The following C5orf24 variants were observed in gnomAD, a reference collection of about 807,000 sequenced individuals.
C5orf24 encodes the protein chromosome 5 open reading frame 24, also known as UPF0461 protein C5orf24.
Under a neutral mutation model 9.8 loss-of-function variants are expected in C5orf24, and 4 were observed. The ratio of observed to expected loss-of-function variants is 0.41; its 90% CI spans 0.20 to 0.93. C5orf24 has a LOEUF of 0.93. Among genes scored for constraint, C5orf24 ranks in the 40% least tolerant of loss-of-function variants. The pLI is 0.33. For missense variants in C5orf24, 170 were observed against 236.9 expected (o/e 0.72, Z 1.85); for synonymous variants, 73 against 81.3 (o/e 0.90, Z 0.55).
At chr5:134,851,242 A>G (rs974874043) in intron 1 of C5orf24, among the ~76,000 whole-genome samples, 1 of 152,044 alleles carries the variant, frequency 6.6e-6, no homozygotes, top group Non-Finnish European at 1.5e-5. Context: ...TGTCTTTACT[A>G]ATTCTGGCAT....
At chr5:134,844,266 C>G (rs1755941375), upstream of C5orf24, among the ~76,000 whole-genome samples, 1 of 152,140 alleles carries the variant, frequency 6.6e-6, no homozygotes, top group African/African-American at 2.4e-5. Flanking sequence ...AATCTGTGTA[C>G]ATATTTTAAC....
chr5:134,834,008 A>G, the C5orf24 span, among the ~76,000 whole-genome samples: 3,805 of 152,190 alleles, frequency 0.025, 171 homozygotes, highest in African/African-American at 0.086. Context: ...AATATGAAGT[A>G]AAAAGGGAAG....
At position 134,855,822 on chromosome 5, in the gene C5orf24, G is replaced by A. The variant is rs867863777; in HGVS notation, c.*355G>A. 1 of 1,110,250 alleles carries A rather than the reference G, an allele frequency of 9.0e-7. No homozygotes were observed. The highest frequency in any genetic ancestry group is 1.1e-6 in the Non-Finnish European group (1 of 899,812). 68.8% of individuals were successfully genotyped at this position (1,110,250 alleles called of 1,614,324 possible). ...ACCATTATACCTATTAGTTTGTGAA[G>A]TAAGCCTACAGTATAATAAAGACAC... is the stretch of plus-strand genomic sequence containing the variant. On this transcript the variant is annotated 3_prime_UTR_variant, in exon 2 of 2. Transcript: ENST00000394976.
chr5:134,836,238 G>T, the C5orf24 span, among the ~76,000 whole-genome samples: 1 of 140,154 alleles, frequency 7.1e-6, no homozygotes, highest in African/African-American at 2.7e-5. Flanking sequence ...GCAATGGCGT[G>T]ATCTCAGCTC....
chr5:134,836,125 T>C, the C5orf24 span, among the ~76,000 whole-genome samples: 4 of 151,992 alleles, frequency 2.6e-5, no homozygotes, highest in South Asian at 8.3e-4. Flanking sequence ...TATACTCATT[T>C]ATTTATTTTT....
chr5:134,855,074 A>T lies in C5orf24; in HGVS notation c.174A>T (p.Pro58=). The T allele has an allele frequency of 6.2e-7, 1 of 1,614,214 alleles. No homozygotes were observed. Among genetic ancestry groups the T allele is most frequent in the Non-Finnish European group, 8.5e-7 (1 of 1,180,040 alleles). The part of the protein sequence containing the change: ...HKPMVCQRQD[P]LNETHLQTTS... ...CAATGGTTTGTCAGAGGCAAGACCC[A>T]TTAAATGAAACACACTTGCAGACTA... The change falls in exon 2 of 2, where the codon CCA becomes CCT. Residue 58 remains proline, a synonymous_variant. Transcript: ENST00000394976.
At chr5:134,836,081 A>G in the C5orf24 span, among the ~76,000 whole-genome samples, 1 of 144,616 alleles carries the variant, frequency 6.9e-6, no homozygotes, top group African/African-American at 2.6e-5. Flanking sequence ...TGAAAGATAT[A>G]TTTTTCTAAA....
Position 134,857,103 on chromosome 5 carries a change from CAT to C in C5orf24, c.*1637_*1638del, listed in dbSNP as rs1756335197. 8.4e-7 allele frequency: 1 copy of C among 1,196,982 alleles called. No individual in the cohort carries two copies. The highest frequency in any genetic ancestry group is 2.9e-5 in the South Asian group (1 of 34,300). The allele number at this position is 1,196,982 out of a possible 1,614,324, so 74.1% of individuals were successfully genotyped here. A position where few individuals can be genotyped will look rare whatever the true frequency, so the allele number is the denominator to read the frequency against. ...TCTGAAAGTAATACTTCTTGTTACA[CAT>C]TTTATTTATTGAGTTTGTTCTAAAT... On this transcript the variant is annotated 3_prime_UTR_variant, in exon 2 of 2. Transcript: ENST00000394976.
At chr5:134,840,418 A>G in the C5orf24 span, among the ~76,000 whole-genome samples, 1 of 151,304 alleles carries the variant, frequency 6.6e-6, no homozygotes, top group African/African-American at 2.4e-5. Context: ...TCTGTTGTTC[A>G]GGCTGGAGTA....
the C5orf24 span, among the ~76,000 whole-genome samples, chr5:134,833,782 C>A: frequency 6.6e-6 from 1 of 152,326 alleles, no homozygotes; most frequent in East Asian, 1.9e-4. Flanking sequence ...TGACTTTCCC[C>A]TTTAAAAGTG....
chr5:134,837,719 A>T, the C5orf24 span, among the ~76,000 whole-genome samples: 11 of 151,714 alleles, frequency 7.3e-5, no homozygotes, highest in African/African-American at 2.4e-4. Flanking sequence ...TCTACCAGAC[A>T]CCAAATTGGC....
chr5:134,847,625 C>T (rs1756031761), intron 1 of C5orf24, among the ~76,000 whole-genome samples: 2 of 152,056 alleles, frequency 1.3e-5, no homozygotes, highest in African/African-American at 4.8e-5. Flanking sequence ...GATCTTTAAC[C>T]TTTGATAGTC....
chr5:134,855,444 G>A lies in C5orf24; in HGVS notation c.544G>A (p.Glu182Lys), dbSNP rs1756284906. 1.2e-6 allele frequency: 2 copies of A among 1,614,072 alleles called. No homozygotes were observed. The highest frequency in any genetic ancestry group is 1.7e-6 in the Non-Finnish European group (2 of 1,180,040). The change falls in exon 2 of 2, where the codon GAA (glutamate) becomes AAA (lysine). Residue 182 changes from glutamate (E) to lysine (K), a missense_variant. Physicochemically the swap from Glu to Lys is moderately conservative, Grantham distance 56 (BLOSUM62 1). Transcript: ENST00000394976. ...TCATGGGGTAGAGGAAACTAGCAGT[G>A]AAGTCAAACCACCCAATGAGTGAAT... is the stretch of plus-strand genomic sequence containing the variant. Reference protein sequence around the residue: ...AVHGVEETSSEVKPPNE With the variant: ...AVHGVEETSSKVKPPNE
chr5:134,844,530 A>G (rs1755945411), upstream of C5orf24, among the ~76,000 whole-genome samples: 1 of 152,116 alleles, frequency 6.6e-6, no homozygotes, highest in South Asian at 2.1e-4. Context: ...TTTTTTGTAG[A>G]GACAGAATCT....
At chr5:134,841,716 A>C (rs922257979), upstream of C5orf24, among the ~76,000 whole-genome samples, 1 of 152,202 alleles carries the variant, frequency 6.6e-6, no homozygotes, top group African/African-American at 2.4e-5. Context: ...TCACAGTCCT[A>C]ATGGCAGAGA....
At chr5:134,840,305 CA>C in the C5orf24 span, among the ~76,000 whole-genome samples, 161 of 53,406 alleles carry the variant, frequency 3.0e-3, 2 homozygotes, top group East Asian at 0.022. Flanking sequence ...GACTGCATCT[CA>C]AAAAAAAAAA....
chr5:134,858,535 G>C lies in C5orf24; in HGVS notation c.*3068G>C, dbSNP rs763012006. 3 of 166,970 alleles carry C rather than the reference G, an allele frequency of 1.8e-5. No individual in the cohort carries two copies. Among genetic ancestry groups the C allele is most frequent in the Non-Finnish European group, 4.4e-5 (3 of 68,106 alleles). The allele number at this position is 166,970 out of a possible 1,614,324, so 10.3% of individuals were successfully genotyped here. A position where few individuals can be genotyped will look rare whatever the true frequency, so the allele number is the denominator to read the frequency against. On this transcript the variant is annotated 3_prime_UTR_variant, in exon 2 of 2. Coordinates refer to ENST00000394976, the MANE Select transcript of C5orf24 (RefSeq NM_001135586.1). ...AAAGGTAAATTGCTAATTTTATACAGTGTAATTCTGTTCTTCACAAAATAG... is the reference window on the plus strand; with the variant it reads ...AAAGGTAAATTGCTAATTTTATACACTGTAATTCTGTTCTTCACAAAATAG...
intron 1 of C5orf24, among the ~76,000 whole-genome samples, chr5:134,850,573 A>G (rs1470880531): frequency 6.6e-6 from 1 of 151,594 alleles, no homozygotes; most frequent in Non-Finnish European, 1.5e-5. Context: ...TCTGGGTTCA[A>G]GCGACACTCC....
At chr5:134,849,229 T>C (rs1459782499) in intron 1 of C5orf24, among the ~76,000 whole-genome samples, 1 of 151,784 alleles carries the variant, frequency 6.6e-6, no homozygotes. Context: ...CACTCCAGCC[T>C]GGGCAACAGA....
Sources: allele counts gnomAD v4.1 joint callset (sites outside exome capture counted in the v4.1 genomes callset), GRCh38; gene constraint gnomAD v4.1.1; transcripts MANE v1.5; gene names NCBI Gene and HGNC (gene_info 2026-07-23, HGNC 2026-07-21).